ADAM19: variants seen among roughly 807,000 people sequenced by gnomAD.
The protein encoded by ADAM19 is disintegrin and metalloproteinase domain-containing protein 19.
ADAM19 carries 65 observed loss-of-function variants against 114.7 expected under a neutral mutation model. The ratio of observed to expected loss-of-function variants is 0.57; its 90% CI spans 0.46 to 0.70. The LOEUF is 0.70. ADAM19 is among the 30% of genes least tolerant of loss of function. The pLI, the probability that ADAM19 is intolerant of heterozygous loss-of-function variation, is 0.00. For synonymous variants in ADAM19, 466 were observed against 460.5 expected (o/e 1.01, Z -0.15); for missense variants, 1,063 against 1,204.7 (o/e 0.88, Z 1.74).
At chr5:157,560,044 T>C (rs1581354857) in intron 3 of ADAM19, among the ~76,000 whole-genome samples, 1 of 151,816 alleles carries the variant, frequency 6.6e-6, no homozygotes, top group Admixed American at 6.6e-5. Flanking sequence ...GGCGGGCGGA[T>C]CACGAGGTCA....
intron 5 of ADAM19, among the ~76,000 whole-genome samples, chr5:157,525,479 A>AG (rs963664633): frequency 2.5e-4 from 38 of 152,280 alleles, no homozygotes; most frequent in African/African-American, 8.9e-4. Context: ...AACTTGCCCA[A>AG]GCTCACCTAG....
At chr5:157,526,169 T>TAC (rs1361376566) in intron 5 of ADAM19, among the ~76,000 whole-genome samples, 16 of 148,052 alleles carry the variant, frequency 1.1e-4, no homozygotes, top group African/African-American at 2.1e-4. Context: ...CATATATATA[T>TAC]ATATACACAC....
intron 2 of ADAM19, chr5:157,568,785 G>A (rs886382957): frequency 1.3e-5 from 2 of 152,136 alleles, no homozygotes; most frequent in Non-Finnish European, 2.9e-5. Context: ...ATGAGAATGA[G>A]AGGCCCAAGT....
At chr5:157,501,975 T>C (rs936672069) in intron 12 of ADAM19, among the ~76,000 whole-genome samples, 3 of 152,138 alleles carry the variant, frequency 2.0e-5, no homozygotes, top group African/African-American at 7.2e-5. Flanking sequence ...GAGAATCGCT[T>C]GAACCCTGGA....
At chr5:157,553,087 G>T (rs1309468637) in intron 3 of ADAM19, among the ~76,000 whole-genome samples, 2 of 152,042 alleles carry the variant, frequency 1.3e-5, no homozygotes, top group South Asian at 2.1e-4. Flanking sequence ...GTACAAAAAA[G>T]AATAGAAAAA....
chr5:157,498,561 C>A (rs1243039758), intron 13 of ADAM19, among the ~76,000 whole-genome samples: 1 of 152,134 alleles, frequency 6.6e-6, no homozygotes, highest in African/African-American at 2.4e-5. Context: ...GAAGCCCAGG[C>A]CCACAGTTCC....
At chr5:157,546,726 G>C (rs1184203731) in intron 3 of ADAM19, among the ~76,000 whole-genome samples, 1 of 152,186 alleles carries the variant, frequency 6.6e-6, no homozygotes, top group Non-Finnish European at 1.5e-5. Flanking sequence ...ACTGATGCAA[G>C]AGGAGAAAAC....
chr5:157,504,296 G>A (rs954211085), intron 11 of ADAM19, among the ~76,000 whole-genome samples: 5 of 152,174 alleles, frequency 3.3e-5, no homozygotes, highest in African/African-American at 1.2e-4. Flanking sequence ...CAGGCTGAAG[G>A]CTGGAGTGCA....
intron 12 of ADAM19, 111 bp from the exon 13 acceptor site, chr5:157,499,773 CTTTTTTTT>C (rs553103564): frequency 8.1e-5 from 34 of 419,950 alleles, no homozygotes; most frequent in Middle Eastern, 6.8e-4. Flanking sequence ...GCAACTATCT[CTTTTTTTT>C]TTTTTTTTTT....
In ADAM19 at chr5:157,487,711, C is replaced by T. The variant is rs553468309; in HGVS notation, c.2550+554G>A. Reference sequence around the variant, plus strand: ...CTCTCACCTCCCAGAGGCACCTGCCCCTTGGGATGGGCAAGGCATCAGGAT... The same window carrying T: ...CTCTCACCTCCCAGAGGCACCTGCCTCTTGGGATGGGCAAGGCATCAGGAT... On this transcript the variant is annotated intron_variant, in intron 21 of 22. Coordinates refer to ENST00000257527, the MANE Select transcript of ADAM19 (RefSeq NM_033274.5). Among the ~76,000 whole-genome samples, 5 of 152,268 alleles carry T rather than the reference C, an allele frequency of 3.3e-5. No homozygotes were observed. The East Asian group carries it at 7.7e-4, about 24-fold the overall frequency.
At chr5:157,568,114 A>G (rs1390098507) in intron 2 of ADAM19, 1 of 152,100 alleles carries the variant, frequency 6.6e-6, no homozygotes, top group East Asian at 1.9e-4. Flanking sequence ...AGCTGGGATT[A>G]CAGGTGTGCA....
chr5:157,561,028 A>G (rs959408828), intron 3 of ADAM19, among the ~76,000 whole-genome samples: 1 of 152,220 alleles, frequency 6.6e-6, no homozygotes, highest in Non-Finnish European at 1.5e-5. Flanking sequence ...AGAGGCTACA[A>G]GGTAGTAAGT....
intron 3 of ADAM19, among the ~76,000 whole-genome samples, chr5:157,548,762 G>C (rs940924239): frequency 6.6e-6 from 1 of 152,168 alleles, no homozygotes; most frequent in African/African-American, 2.4e-5. Flanking sequence ...CACATTGTCA[G>C]CCTCCTCTCA....
intron 2 of ADAM19, chr5:157,568,549 T>C (rs1757733367): frequency 6.6e-6 from 1 of 152,236 alleles, no homozygotes; most frequent in South Asian, 2.1e-4. Context: ...TTTATACCTC[T>C]CCTAGGGATG....
At chr5:157,501,438 C>G (rs1403895424) in intron 12 of ADAM19, among the ~76,000 whole-genome samples, 1 of 152,216 alleles carries the variant, frequency 6.6e-6, no homozygotes, top group Non-Finnish European at 1.5e-5. Context: ...ATGTGTTTCT[C>G]CCACTAGACT....
intron 11 of ADAM19, among the ~76,000 whole-genome samples, chr5:157,504,657 A>C (rs1755682149): frequency 6.6e-6 from 1 of 152,150 alleles, no homozygotes; most frequent in Admixed American, 6.5e-5. Context: ...ACCATTCTCT[A>C]AGAATCATAA....
intron 21 of ADAM19, among the ~76,000 whole-genome samples, chr5:157,482,324 T>C (rs1023709771): frequency 1.3e-5 from 2 of 152,346 alleles, no homozygotes; most frequent in African/African-American, 4.8e-5. Flanking sequence ...GATGGATAGA[T>C]TGCAAAAATC....
chr5:157,569,416 C>CTTTTTTTTTTT (rs1196722802), intron 2 of ADAM19, among the ~76,000 whole-genome samples: 1 of 97,872 alleles, frequency 1.0e-5, no homozygotes, highest in Non-Finnish European at 2.0e-5. Flanking sequence ...AGCTAATTTT[C>CTTTTTTTTTTT]TTTTTTTTTT....
intron 13 of ADAM19, among the ~76,000 whole-genome samples, chr5:157,498,199 C>G (rs1434796244): frequency 7.6e-6 from 1 of 131,596 alleles, no homozygotes; most frequent in Non-Finnish European, 1.6e-5. Flanking sequence ...ACAGGCTTCT[C>G]CACCGGCCAC....
Sources: allele counts gnomAD v4.1 joint callset (sites outside exome capture counted in the v4.1 genomes callset), GRCh38; gene constraint gnomAD v4.1.1; transcripts MANE v1.5; gene names NCBI Gene and HGNC (gene_info 2026-07-23, HGNC 2026-07-21).